DRC8: variants seen among roughly 807,000 people sequenced by gnomAD.
The protein encoded by DRC8 is dynein regulatory complex subunit 8, also known as dynein regulatory complex protein 8.
chr1:245,040,823 CTTA>C, the DRC8 span, among the ~76,000 whole-genome samples: 1 of 152,134 alleles, frequency 6.6e-6, no homozygotes, highest in African/African-American at 2.4e-5. Context: ...TATTTGATTT[CTTA>C]TTAAGTGTGA....
chr1:245,018,312 C>T, the DRC8 span, among the ~76,000 whole-genome samples: 1 of 151,414 alleles, frequency 6.6e-6, no homozygotes, highest in African/African-American at 2.4e-5. Context: ...ATTGCAATCT[C>T]AAGACCAGAA....
chr1:245,013,625 T>A, the DRC8 span, among the ~76,000 whole-genome samples: 1 of 152,214 alleles, frequency 6.6e-6, no homozygotes, highest in African/African-American at 2.4e-5. Flanking sequence ...TAAAGCTCTA[T>A]AATGGAATAT....
the DRC8 span, among the ~76,000 whole-genome samples, chr1:245,055,000 G>A: frequency 1.3e-5 from 2 of 152,228 alleles, no homozygotes; most frequent in East Asian, 1.9e-4. Context: ...CTGGATGCCT[G>A]CACAGGAAAT....
the DRC8 span, chr1:245,087,453 A>G: frequency 6.9e-7 from 1 of 1,458,870 alleles, no homozygotes; most frequent in Non-Finnish European, 9.0e-7. Flanking sequence ...CCTATATGTG[A>G]TATTTAATAC....
chr1:245,005,746 G>C, the DRC8 span, among the ~76,000 whole-genome samples: 4 of 152,168 alleles, frequency 2.6e-5, no homozygotes, highest in African/African-American at 7.2e-5. Flanking sequence ...TTATAATATG[G>C]TTTGATAGAC....
chr1:245,063,729 C>T, the DRC8 span, among the ~76,000 whole-genome samples: 17 of 152,210 alleles, frequency 1.1e-4, no homozygotes, highest in African/African-American at 4.1e-4. Flanking sequence ...CAGATCTCAA[C>T]TCTTTTTTTT....
the DRC8 span, among the ~76,000 whole-genome samples, chr1:245,031,939 A>G: frequency 5.9e-5 from 9 of 152,232 alleles, no homozygotes; most frequent in African/African-American, 2.2e-4. Context: ...CGAGAGTTCC[A>G]GAGTATTCTG....
chr1:244,983,992 T>A, the DRC8 span, among the ~76,000 whole-genome samples: 402 of 152,234 alleles, frequency 2.6e-3, 1 homozygote, highest in Non-Finnish European at 4.8e-3. Flanking sequence ...TTTCTCTCTG[T>A]CATCCAGGCT....
At chr1:245,111,424 C>A in the DRC8 span, among the ~76,000 whole-genome samples, 8 of 152,216 alleles carry the variant, frequency 5.3e-5, no homozygotes, top group African/African-American at 1.9e-4. Context: ...AAGTCATTTG[C>A]AGAATATTGA....
chr1:245,053,472 T>C, the DRC8 span, among the ~76,000 whole-genome samples: 6 of 152,146 alleles, frequency 3.9e-5, no homozygotes, highest in East Asian at 1.2e-3. Flanking sequence ...ATGGAGAGAT[T>C]AGCTTTCCAT....
At chr1:245,085,265 G>C in the DRC8 span, among the ~76,000 whole-genome samples, 2 of 152,100 alleles carry the variant, frequency 1.3e-5, no homozygotes, top group African/African-American at 4.8e-5. Flanking sequence ...AACTTGGTTT[G>C]GGAAGACTTA....
the DRC8 span, among the ~76,000 whole-genome samples, chr1:245,120,069 A>T: frequency 6.6e-6 from 1 of 152,256 alleles, no homozygotes; most frequent in Non-Finnish European, 1.5e-5. Flanking sequence ...AATCTGAAAG[A>T]TGTAAAAAAA....
At chr1:245,017,382 G>C in the DRC8 span, 1 of 1,497,950 alleles carries the variant, frequency 6.7e-7, no homozygotes, top group Admixed American at 2.3e-5. Context: ...CAAGTCATAA[G>C]ATACAAGAGA....
chr1:244,993,006 CAT>C, the DRC8 span, among the ~76,000 whole-genome samples: 1 of 152,222 alleles, frequency 6.6e-6, no homozygotes, highest in African/African-American at 2.4e-5. Context: ...TTTCTTGACA[CAT>C]GAGACTCTCT....
At chr1:245,084,520 A>G in the DRC8 span, among the ~76,000 whole-genome samples, 1 of 152,312 alleles carries the variant, frequency 6.6e-6, no homozygotes, top group South Asian at 2.1e-4. Flanking sequence ...ATACACACAC[A>G]TAAAACCTGC....
the DRC8 span, chr1:244,970,902 C>T: frequency 1.2e-4 from 24 of 203,948 alleles, no homozygotes; most frequent in Non-Finnish European, 1.9e-4. Flanking sequence ...GCCGCCTCCA[C>T]ACTCTCGCCT....
the DRC8 span, among the ~76,000 whole-genome samples, chr1:245,005,228 CT>C: frequency 6.6e-6 from 1 of 150,848 alleles, no homozygotes; most frequent in East Asian, 1.9e-4. Flanking sequence ...TTGTAGTTTT[CT>C]TCTTATGTCT....
At chr1:245,087,010 G>A in the DRC8 span, 1 of 597,148 alleles carries the variant, frequency 1.7e-6, no homozygotes, top group South Asian at 2.0e-5. Context: ...TGTTCTAGAG[G>A]TTGCTTGATC....
At chr1:244,977,529 AAAAT>A in the DRC8 span, among the ~76,000 whole-genome samples, 1 of 152,114 alleles carries the variant, frequency 6.6e-6, no homozygotes, top group African/African-American at 2.4e-5. Context: ...TGCTAAAAAT[AAAAT>A]AAATAATAAT....
Sources: allele counts gnomAD v4.1 joint callset (sites outside exome capture counted in the v4.1 genomes callset), GRCh38; gene constraint gnomAD v4.1.1; transcripts MANE v1.5; gene names NCBI Gene and HGNC (gene_info 2026-07-23, HGNC 2026-07-21).